SPMAP2L: variants seen among roughly 807,000 people sequenced by gnomAD.
SPMAP2L encodes sperm microtubule associated protein 2-like.
chr4:56,576,371 T>C, the SPMAP2L span, among the ~76,000 whole-genome samples: 2 of 152,174 alleles, frequency 1.3e-5, no homozygotes, highest in East Asian at 1.9e-4. Context: ...AGGGTTGACA[T>C]CTGGAAGAGG....
At chr4:56,559,365 C>T in the SPMAP2L span, 4 of 1,240,056 alleles carry the variant, frequency 3.2e-6, no homozygotes, top group South Asian at 6.7e-5. Context: ...TTTTTTTTTA[C>T]CATTTTATCT....
At chr4:56,536,434 G>T in the SPMAP2L span, among the ~76,000 whole-genome samples, 1 of 152,120 alleles carries the variant, frequency 6.6e-6, no homozygotes, top group African/African-American at 2.4e-5. Flanking sequence ...AGCATTATTG[G>T]CCTGCTCATT....
chr4:56,613,957 G>C, the SPMAP2L span, among the ~76,000 whole-genome samples: 1 of 152,178 alleles, frequency 6.6e-6, no homozygotes, highest in African/African-American at 2.4e-5. Flanking sequence ...GGCTCCTCAA[G>C]GCACCACCAC....
At chr4:56,541,293 T>C in the SPMAP2L span, among the ~76,000 whole-genome samples, 1 of 152,108 alleles carries the variant, frequency 6.6e-6, no homozygotes, top group African/African-American at 2.4e-5. Context: ...TATAATTGTA[T>C]TACAAAAATT....
the SPMAP2L span, chr4:56,552,445 T>C: frequency 6.0e-6 from 4 of 670,674 alleles, no homozygotes; most frequent in East Asian, 2.7e-5. Context: ...AAATACAGCA[T>C]TGGTTTTAGT....
chr4:56,611,039 C>T, the SPMAP2L span, among the ~76,000 whole-genome samples: 1,300 of 152,266 alleles, frequency 8.5e-3, 15 homozygotes, highest in African/African-American at 0.03. Context: ...GTGTGGAGAT[C>T]CCTTAGAAAA....
chr4:56,590,171 A>G, the SPMAP2L span, among the ~76,000 whole-genome samples: 3 of 152,080 alleles, frequency 2.0e-5, no homozygotes, highest in African/African-American at 7.2e-5. Context: ...CTCTTATTAC[A>G]TTGTTATGTC....
At chr4:56,592,959 T>A in the SPMAP2L span, 1 of 1,604,956 alleles carries the variant, frequency 6.2e-7, no homozygotes, top group East Asian at 2.2e-5. Context: ...AACATCCATT[T>A]GAAAAGACCC....
At chr4:56,553,384 G>C in the SPMAP2L span, among the ~76,000 whole-genome samples, 1 of 151,018 alleles carries the variant, frequency 6.6e-6, no homozygotes, top group African/African-American at 2.4e-5. Flanking sequence ...TGGAGACGGG[G>C]GTTTCCCTAT....
the SPMAP2L span, among the ~76,000 whole-genome samples, chr4:56,540,604 AAGAG>A: frequency 2.0e-5 from 3 of 152,056 alleles, no homozygotes; most frequent in South Asian, 2.1e-4. Context: ...GAAAGAAAGA[AAGAG>A]AGAGAAAGAA....
the SPMAP2L span, chr4:56,584,670 C>T: frequency 8.7e-7 from 1 of 1,145,154 alleles, no homozygotes; most frequent in Non-Finnish European, 1.3e-6. Context: ...GCTGCCTACC[C>T]TCTTTTTCTA....
chr4:56,530,619 C>A, the SPMAP2L span: 1 of 1,499,864 alleles, frequency 6.7e-7, no homozygotes, highest in Admixed American at 2.1e-5. Context: ...GAGCAAACTG[C>A]GCCTGGGCAA....
chr4:56,593,540 G>A, the SPMAP2L span: 2 of 1,600,216 alleles, frequency 1.2e-6, no homozygotes, highest in Non-Finnish European at 1.7e-6. Context: ...GTGTGCTACT[G>A]ACCTTTTAGC....
At chr4:56,562,561 A>G in the SPMAP2L span, among the ~76,000 whole-genome samples, 1 of 152,208 alleles carries the variant, frequency 6.6e-6, no homozygotes, top group Non-Finnish European at 1.5e-5. Context: ...ATAAAACTCA[A>G]TACCACTCAT....
chr4:56,620,473 G>A, the SPMAP2L span, among the ~76,000 whole-genome samples: 2 of 149,338 alleles, frequency 1.3e-5, no homozygotes, highest in Non-Finnish European at 3.0e-5. Context: ...CGCAACCTCC[G>A]CCTCCTGGGT....
At chr4:56,571,806 C>T in the SPMAP2L span, among the ~76,000 whole-genome samples, 1 of 152,168 alleles carries the variant, frequency 6.6e-6, no homozygotes, top group Non-Finnish European at 1.5e-5. Flanking sequence ...TATGATCACA[C>T]TGCTCTCCAG....
chr4:56,533,241 C>T, the SPMAP2L span, among the ~76,000 whole-genome samples: 1 of 152,184 alleles, frequency 6.6e-6, no homozygotes, highest in South Asian at 2.1e-4. Context: ...TTCAAGTGGG[C>T]TCTCAGTGCT....
At chr4:56,611,958 T>C in the SPMAP2L span, among the ~76,000 whole-genome samples, 1 of 152,216 alleles carries the variant, frequency 6.6e-6, no homozygotes, top group Non-Finnish European at 1.5e-5. Context: ...TAACTGCCTT[T>C]AAGTTTCTGT....
At chr4:56,594,896 G>A in the SPMAP2L span, 3 of 1,611,208 alleles carry the variant, frequency 1.9e-6, no homozygotes, top group Admixed American at 1.7e-5. Flanking sequence ...TGGGTCTGAT[G>A]TCTCGCACCT....
Sources: allele counts gnomAD v4.1 joint callset (sites outside exome capture counted in the v4.1 genomes callset), GRCh38; gene constraint gnomAD v4.1.1; transcripts MANE v1.5; gene names NCBI Gene and HGNC (gene_info 2026-07-23, HGNC 2026-07-21).